The following MAPK12 variants were observed in gnomAD, a reference collection of about 807,000 sequenced individuals.
The protein encoded by MAPK12 is MAP kinase 12.
A neutral mutation model predicts 49.1 loss-of-function variants in MAPK12; 49 were observed. The ratio of observed to expected loss-of-function variants is 1.00; its 90% CI spans 0.79 to 1.27. The LOEUF is 1.27. Ranked by LOEUF, MAPK12 falls within the 50% of genes most tolerant of loss-of-function variation. MAPK12 has a pLI of 0.00. For missense variants in MAPK12, 554 were observed against 502.4 expected, an observed-to-expected ratio of 1.10 and a Z score of -0.98; for synonymous variants, 251 against 209.7, an observed-to-expected ratio of 1.20 and a Z score of -1.70.
At chr22:50,258,371 A>G in intron 2 of MAPK12, 70 bp from the exon 3 acceptor site, 1 of 1,341,520 alleles carries the variant, frequency 7.5e-7, no homozygotes, top group South Asian at 1.2e-5. Flanking sequence ...AGAGTGGCAC[A>G]ACCCTCTGGG....
chr22:50,253,483 G>A lies in MAPK12; in HGVS notation c.1025-3C>T. 1.5e-6 allele frequency: 2 copies of A among 1,351,998 alleles called. No individual in the cohort carries two copies. Among genetic ancestry groups the A allele is most frequent in the Non-Finnish European group, 2.1e-6 (2 of 973,076 alleles). The allele number at this position is 1,351,998 out of a possible 1,614,324, so 83.8% of individuals were successfully genotyped here. ...GAGCACCTCTTTGTAAGTAACACCT[G>A]GCGGGGGTGGGGGGGCGGGCACAAC... On this transcript the variant is annotated splice_polypyrimidine_tract_variant and splice_region_variant and intron_variant, in intron 11 of 11. Coordinates refer to ENST00000215659, the MANE Select transcript of MAPK12 (RefSeq NM_002969.6).
intron 2 of MAPK12, 39 bp from the exon 3 acceptor site, chr22:50,258,340 C>G (rs751410288): frequency 2.5e-6 from 4 of 1,585,484 alleles, no homozygotes; most frequent in Non-Finnish European, 3.5e-6. Flanking sequence ...CAGCAGAGGA[C>G]ACGGGCTGGG....
intron 8 of MAPK12, 43 bp from the exon 9 acceptor site, chr22:50,255,737 G>T: frequency 6.2e-7 from 1 of 1,609,770 alleles, no homozygotes. Context: ...CAGAGATCAG[G>T]GCCCCCACTG....
At position 50,256,940 on chromosome 22, in the gene MAPK12, G is replaced by T; in HGVS notation, c.451C>A (p.His151Asn). ...LRYIHAAGII[H>N]RDLKPGNLAV... Reference sequence around the variant, plus strand: ...GCTTCTCCACCGGGACTCACTCTGTGGATGATGCCGGCAGCGTGGATATAC... The same window carrying T: ...GCTTCTCCACCGGGACTCACTCTGTTGATGATGCCGGCAGCGTGGATATAC... The change falls in exon 5 of 12, where the codon CAC becomes AAC. Residue 151 changes from histidine (H) to asparagine (N), a missense_variant. Physicochemically the swap from His to Asn is moderately conservative, Grantham distance 68. Coordinates refer to ENST00000215659, the MANE Select transcript of MAPK12 (RefSeq NM_002969.6). The T allele has an allele frequency of 6.2e-7, 1 of 1,606,640 alleles. No individual in the cohort carries two copies. Among genetic ancestry groups the T allele is most frequent in the Non-Finnish European group, 8.5e-7 (1 of 1,178,412 alleles).
intron 3 of MAPK12, chr22:50,257,898 A>G: frequency 2.6e-6 from 2 of 772,184 alleles, no homozygotes; most frequent in Non-Finnish European, 2.4e-6. Context: ...CAGCAGCTCC[A>G]GTTACCGGCC....
intron 11 of MAPK12, chr22:50,254,614 T>G (rs1246891682): frequency 2.0e-6 from 2 of 990,168 alleles, no homozygotes; most frequent in Non-Finnish European, 1.2e-6. Context: ...ATCGTGCCAC[T>G]GCCCTCCAGC....
At chr22:50,257,559 A>G in intron 3 of MAPK12, 1 of 528,986 alleles carries the variant, frequency 1.9e-6, no homozygotes, top group Non-Finnish European at 3.4e-6. Context: ...CAGGCAGGGG[A>G]GGGAGGCAGT....
chr22:50,259,570 C>T (rs899053380), intron 2 of MAPK12, among the ~76,000 whole-genome samples: 6 of 152,098 alleles, frequency 3.9e-5, no homozygotes, highest in Non-Finnish European at 2.9e-5. Flanking sequence ...CCCAGCACAG[C>T]GGGGCGGTGG....
Position 50,256,035 on chromosome 22 carries a change from G to A in MAPK12, c.619+50C>T, listed in dbSNP as rs759233820. ...ACAGGGCTGTCCGTGAAGAAGTGGAGAAGCAGATGGTGCAGCCTGAGAGGC... is the reference window on the plus strand; with the variant it reads ...ACAGGGCTGTCCGTGAAGAAGTGGAAAAGCAGATGGTGCAGCCTGAGAGGC... On this transcript the variant is annotated intron_variant, in intron 7 of 11. Coordinates refer to ENST00000215659, the MANE Select transcript of MAPK12 (RefSeq NM_002969.6). 6.4e-6 allele frequency: 10 copies of A among 1,555,228 alleles called. No homozygotes were observed. The Admixed American group carries it at 1.5e-4, about 24-fold the overall frequency.
rs1377513715 is a variant in MAPK12 at position 50,256,066 on chromosome 22, T to C, written c.619+19A>G. On this transcript the variant is annotated intron_variant, in intron 7 of 11. Transcript: ENST00000215659. ...GATGGTGCAGCCTGAGAGGCCCAGA[T>C]CTCTGGGCAGCTTCTCACCCGTCTG... 2.5e-6 allele frequency: 4 copies of C among 1,600,110 alleles called. No individual in the cohort carries two copies. The highest frequency in any genetic ancestry group is 3.4e-6 in the Non-Finnish European group (4 of 1,169,808).
chr22:50,257,681 A>G (rs2065164454), intron 3 of MAPK12: 1 of 597,270 alleles, frequency 1.7e-6, no homozygotes, highest in Non-Finnish European at 3.0e-6. Context: ...GGAGACAGAC[A>G]CAGGAGAATG....
intron 6 of MAPK12, 54 bp downstream of exon 6, chr22:50,256,545 G>A: frequency 6.3e-7 from 1 of 1,584,174 alleles, no homozygotes; most frequent in South Asian, 1.1e-5. Flanking sequence ...TAGATGGGCA[G>A]ATCCAGAGGG....
rs775404891 is a variant in MAPK12 at position 50,261,244 on chromosome 22, G to C, written c.178C>G (p.Arg60Gly). Residue 60 changes from arginine (R) to glycine (G), a missense_variant, in exon 2 of 12, where the codon CGG becomes GGG. Coordinates refer to ENST00000215659, the MANE Select transcript of MAPK12 (RefSeq NM_002969.6). ...GCGAACAGCTCGGACTGGAAAGGCC[G>C]ATACAGCTTCTTGATGGCCACCTTA... ...GAKVAIKKLY[R>G]PFQSELFAKR... 6.4e-7 allele frequency: 1 copy of C among 1,571,740 alleles called. No homozygotes were observed. Among genetic ancestry groups the C allele is most frequent in the South Asian group, 1.2e-5 (1 of 85,610 alleles).
At position 50,260,841 on chromosome 22, in the gene MAPK12, G is replaced by A. The variant is rs761116503; in HGVS notation, c.255+326C>T. Reference sequence around the variant, plus strand: ...AGCATGCTCTCACCGCGGGCTTCCTGGCTGGGGGCAAGGCTTGGCGTGAGA... The same window carrying A: ...AGCATGCTCTCACCGCGGGCTTCCTAGCTGGGGGCAAGGCTTGGCGTGAGA... On this transcript the variant is annotated intron_variant, in intron 2 of 11. Transcript: ENST00000215659. 58 of 210,728 alleles carry A rather than the reference G, an allele frequency of 2.8e-4. 1 individual carries two copies. The highest frequency in any genetic ancestry group is 4.6e-4 in the Non-Finnish European group (48 of 104,942). 13.1% of individuals were successfully genotyped at this position (210,728 alleles called of 1,614,324 possible). A position where few individuals can be genotyped will look rare whatever the true frequency, so the allele number is the denominator to read the frequency against.
rs370687711 is a variant in MAPK12 at position 50,257,208 on chromosome 22, G to A, written c.315-15C>T. ...TCACCAGGTAACTGTGGGAGGGGCC[G>A]GAGCGCTGTCAGCGGACAGAGCCAG... On this transcript the variant is annotated splice_polypyrimidine_tract_variant and intron_variant, in intron 3 of 11. Coordinates refer to ENST00000215659, the MANE Select transcript of MAPK12 (RefSeq NM_002969.6). 8.3e-5 allele frequency: 133 copies of A among 1,600,162 alleles called. No homozygotes were observed. In the Admixed American group the frequency reaches 9.0e-4, roughly 11 times the overall value.
At chr22:50,257,529 CA>C in intron 3 of MAPK12, 4 of 522,224 alleles carry the variant, frequency 7.7e-6, no homozygotes, top group Non-Finnish European at 1.4e-5. Flanking sequence ...ATGGTAGAGG[CA>C]GCAGGACTCG....
chr22:50,259,295 C>T (rs568373300), intron 2 of MAPK12, among the ~76,000 whole-genome samples: 1 of 152,026 alleles, frequency 6.6e-6, no homozygotes, highest in Admixed American at 6.5e-5. Context: ...GGAGGGTGCC[C>T]GGGAGAGTGC....
intron 11 of MAPK12, 194 bp from the exon 12 acceptor site, chr22:50,253,674 G>C (rs2065121221): frequency 3.3e-6 from 2 of 597,544 alleles, no homozygotes; most frequent in Non-Finnish European, 6.0e-6. Context: ...GGAAAGGGGA[G>C]GTGGCCAGGG....
chr22:50,260,876 T>A (rs2065205033), intron 2 of MAPK12: 1 of 279,104 alleles, frequency 3.6e-6, no homozygotes, highest in African/African-American at 2.2e-5. Context: ...ACCTGGAGGA[T>A]CCCCTGGGCC....
Sources: allele counts gnomAD v4.1 joint callset (sites outside exome capture counted in the v4.1 genomes callset), GRCh38; gene constraint gnomAD v4.1.1; transcripts MANE v1.5; gene names NCBI Gene and HGNC (gene_info 2026-07-23, HGNC 2026-07-21).